Variants in PTMA observed in about 807,000 individuals in gnomAD.
PTMA encodes the protein gene sequence 28.
In PTMA, 4 loss-of-function variants were observed where a neutral mutation model predicts 16.9. The ratio of observed to expected loss-of-function variants is 0.24; its 90% CI spans 0.12 to 0.54. The LOEUF (loss-of-function observed/expected upper bound fraction) is 0.54. PTMA is among the 20% of genes least tolerant of loss of function. The pLI is 0.95. For missense variants in PTMA, 120 were observed against 137.7 expected, an observed-to-expected ratio of 0.87 and a Z score of 0.64; for synonymous variants, 58 against 47.9, an observed-to-expected ratio of 1.21 and a Z score of -0.87.
In PTMA at chr2:231,708,558, A is replaced by G. The variant is rs900035109; in HGVS notation, c.-149A>G. The G allele has an allele frequency of 2.1e-5, 19 of 892,176 alleles. No homozygotes were observed. The highest frequency in any genetic ancestry group is 3.2e-4 in the Middle Eastern group (1 of 3,108). The allele number at this position is 892,176 out of a possible 1,614,324, so 55.3% of individuals were successfully genotyped here. ...GGCTGCTCTGAAAAGCCATCTTTGC[A>G]TTGTTCCTCATCCGCCTCCTTGCTC... On this transcript the variant is annotated 5_prime_UTR_variant, in exon 1 of 5. Coordinates refer to ENST00000409115, the MANE Select transcript of PTMA (RefSeq NM_002823.5).
At chr2:231,711,193 A>T in intron 1 of PTMA, 155 bp from the exon 2 acceptor site, 1 of 627,850 alleles carries the variant, frequency 1.6e-6, no homozygotes, top group Non-Finnish European at 2.8e-6. Context: ...GACCAGTGGG[A>T]GAGGGACCGC....
intron 2 of PTMA, chr2:231,711,677 T>TG: frequency 1.1e-6 from 1 of 917,382 alleles, no homozygotes; most frequent in East Asian, 2.7e-5. Context: ...TGGCCCAGGG[T>TG]GGGGAAAAGC....
intron 1 of PTMA, chr2:231,710,104 C>T (rs1207115959): frequency 2.5e-5 from 31 of 1,240,532 alleles, no homozygotes; most frequent in Non-Finnish European, 3.1e-5. Context: ...GCCCGAGAGG[C>T]GCATCCCCGA....
rs569798185 is a variant in PTMA, at chr2:231,712,440, C to T, written c.212-3C>T. On this transcript the variant is annotated splice_polypyrimidine_tract_variant and splice_region_variant and intron_variant, in intron 3 of 4. Coordinates refer to ENST00000409115, the MANE Select transcript of PTMA (RefSeq NM_002823.5). ...GGTTTACCTGGCCTTTGATTCTCTC[C>T]AGGTGAGGAAGAGGATGGAGATGAA... 1.6e-5 allele frequency: 26 copies of T among 1,613,918 alleles called. No individual in the cohort carries two copies. In the Admixed American group the frequency reaches 2.5e-4, roughly 16 times the overall value.
At position 231,711,382 on chromosome 2, in the gene PTMA, C is replaced by A; in HGVS notation, c.80C>A (p.Ala27Glu). ...LKEKKEVVEE[A>E]ENGRDAPANG... ...GAGAAGAAGGAAGTTGTGGAAGAGG[C>A]AGAAAATGGAAGAGACGCCCCTGCT... Residue 27 changes from alanine to glutamate, a missense_variant, in exon 2 of 5, where the codon GCA becomes GAA. Transcript: ENST00000409115. 6.2e-7 allele frequency: 1 copy of A among 1,614,136 alleles called. No homozygotes were observed. The highest frequency in any genetic ancestry group is 1.1e-5 in the South Asian group (1 of 91,086).
At chr2:231,709,621 G>C (rs1003321142) in intron 1 of PTMA, among the ~76,000 whole-genome samples, 6 of 152,334 alleles carry the variant, frequency 3.9e-5, no homozygotes, top group African/African-American at 1.2e-4. Flanking sequence ...CAATGGTAGG[G>C]TCGAACTGGG....
Position 231,712,467 on chromosome 2 carries a change from A to G in PTMA, c.236A>G (p.Asp79Gly), listed in dbSNP as rs753248939. 2 of 1,614,142 alleles carry G rather than the reference A, an allele frequency of 1.2e-6. No homozygotes were observed. The highest frequency in any genetic ancestry group is 1.7e-6 in the Non-Finnish European group (2 of 1,180,012). Residue 79 changes from aspartate (D) to glycine (G), a missense_variant, in exon 4 of 5, where the codon GAT becomes GGT. Physicochemically the swap from Asp to Gly is moderately conservative, Grantham distance 94. Transcript: ENST00000409115. ...GDGEEEDGDE[D>G]EEAESATGKR... Reference sequence around the variant, plus strand: ...GGTGAGGAAGAGGATGGAGATGAAGATGAGGAAGCTGAGTCAGCTACGGGC... The same window carrying G: ...GGTGAGGAAGAGGATGGAGATGAAGGTGAGGAAGCTGAGTCAGCTACGGGC...
intron 1 of PTMA, 58 bp from the exon 2 acceptor site, chr2:231,711,290 C>T (rs762264924): frequency 1.5e-5 from 22 of 1,465,272 alleles, no homozygotes; most frequent in Non-Finnish European, 2.1e-5. Context: ...AGCGCCTTTG[C>T]TTACCCTGGG....
intron 1 of PTMA, chr2:231,709,805 T>G: frequency 5.7e-6 from 1 of 174,750 alleles, no homozygotes. Flanking sequence ...TTTCTTAATA[T>G]TTCGGCCCTC....
chr2:231,711,532 C>A, intron 2 of PTMA, 113 bp downstream of exon 2: 2 of 992,524 alleles, frequency 2.0e-6, no homozygotes, highest in Non-Finnish European at 3.1e-6. Flanking sequence ...TATAGCTTTG[C>A]ACAGTGGCAG....
rs1041750949 is a variant in PTMA at position 231,712,919 on chromosome 2, C to T, written c.*68C>T. On this transcript the variant is annotated 3_prime_UTR_variant, in exon 5 of 5. Transcript: ENST00000409115. ...CGTGACCTATTCACCCTCCACTTCC[C>T]GTCTCAGAATCTAAACGTGGTCACC... 2.0e-5 allele frequency: 29 copies of T among 1,483,442 alleles called. No homozygotes were observed. The highest frequency in any genetic ancestry group is 4.8e-4 in the Middle Eastern group (2 of 4,168). The allele number at this position is 1,483,442 out of a possible 1,614,324, so 91.9% of individuals were successfully genotyped here.
chr2:231,713,069 A>G lies in PTMA; in HGVS notation c.*218A>G. 1 of 567,764 alleles carries G rather than the reference A, an allele frequency of 1.8e-6. No homozygotes were observed. Among genetic ancestry groups the G allele is most frequent in the Non-Finnish European group, 3.2e-6 (1 of 313,530 alleles). The allele number at this position is 567,764 out of a possible 1,614,324, so 35.2% of individuals were successfully genotyped here. The stretch of plus-strand genomic sequence containing the variant: ...GGAGGAAAAAAGAACCAAAACTTCC[A>G]AGGCCCTGCTTTTTTTCTTAAAAGT... On this transcript the variant is annotated 3_prime_UTR_variant, in exon 5 of 5. Transcript: ENST00000409115.
chr2:231,711,111 G>A, intron 1 of PTMA: 1 of 392,354 alleles, frequency 2.5e-6, no homozygotes, highest in Non-Finnish European at 4.7e-6. Flanking sequence ...CCGCCACCGG[G>A]GCCGCTGTAG....
chr2:231,710,151 C>T (rs1474772360), intron 1 of PTMA: 1 of 1,258,626 alleles, frequency 7.9e-7, no homozygotes, highest in South Asian at 3.4e-5. Context: ...GACTTTGGGG[C>T]GACCTCCCGT....
At position 231,711,952 on chromosome 2, in the gene PTMA, G is replaced by C; in HGVS notation, c.180G>C (p.Gly60=). 6.3e-7 allele frequency: 1 copy of C among 1,587,522 alleles called. No homozygotes were observed. ...NEVDEEEEEG[G]EEEEEEEEGD... ...TAGACGAAGAAGAGGAAGAAGGTGG[G>C]GAGGAAGAGGAGGAGGAAGAAGAAG... Residue 60 remains glycine (G), a synonymous_variant, in exon 3 of 5, where the codon GGG becomes GGC. Coordinates refer to ENST00000409115, the MANE Select transcript of PTMA (RefSeq NM_002823.5).
chr2:231,709,144 C>G (rs989285707), intron 1 of PTMA, among the ~76,000 whole-genome samples: 4 of 152,222 alleles, frequency 2.6e-5, no homozygotes, highest in African/African-American at 4.8e-5. Context: ...ATCGGAAGTG[C>G]TGGGGGGCGC....
Position 231,708,545 on chromosome 2 carries a change from A to C in PTMA, c.-162A>C. Reference sequence around the variant, plus strand: ...TGAGTCCCCCACTGGCTGCTCTGAAAAGCCATCTTTGCATTGTTCCTCATC... The same window carrying C: ...TGAGTCCCCCACTGGCTGCTCTGAACAGCCATCTTTGCATTGTTCCTCATC... On this transcript the variant is annotated 5_prime_UTR_variant, in exon 1 of 5. Coordinates refer to ENST00000409115, the MANE Select transcript of PTMA (RefSeq NM_002823.5). 1.2e-5 allele frequency: 10 copies of C among 808,732 alleles called. No individual in the cohort carries two copies. The highest frequency in any genetic ancestry group is 2.0e-5 in the Non-Finnish European group (10 of 490,672). 50.1% of individuals were successfully genotyped at this position (808,732 alleles called of 1,614,324 possible).
intron 2 of PTMA, chr2:231,711,665 C>A: frequency 1.2e-6 from 1 of 850,528 alleles, no homozygotes; most frequent in Non-Finnish European, 1.8e-6. Flanking sequence ...TGAGTTTGGG[C>A]TTGGCCCAGG....
Position 231,711,369 on chromosome 2 carries a change from G to C in PTMA, c.67G>C (p.Val23Leu). 3 of 1,614,148 alleles carry C rather than the reference G, an allele frequency of 1.9e-6. No individual in the cohort carries two copies. The highest frequency in any genetic ancestry group is 2.5e-6 in the Non-Finnish European group (3 of 1,179,964). Residue 23 changes from valine to leucine, a missense_variant, in exon 2 of 5, where the codon GTT (valine) becomes CTT (leucine). Physicochemically the swap from Val to Leu is conservative, Grantham distance 32. Coordinates refer to ENST00000409115, the MANE Select transcript of PTMA (RefSeq NM_002823.5). ...GAAGGACTTAAAGGAGAAGAAGGAA[G>C]TTGTGGAAGAGGCAGAAAATGGAAG... Reference protein sequence around the residue: ...TTKDLKEKKEVVEEAENGRDA... With the variant: ...TTKDLKEKKELVEEAENGRDA...
Sources: gnomAD v4.1 joint callset for allele counts (sites outside exome capture counted in the v4.1 genomes callset) on GRCh38, gnomAD v4.1.1 for gene constraint, MANE v1.5 for transcripts, NCBI Gene and HGNC (gene_info 2026-07-23, HGNC 2026-07-21) for gene names.